ARMC9: variants seen among roughly 807,000 people sequenced by gnomAD.
The protein encoded by ARMC9 is lisH domain-containing protein ARMC9.
ARMC9 carries 94 observed loss-of-function variants against 107.0 expected under a neutral mutation model. That is an observed-to-expected ratio of 0.88 (90% CI 0.74 to 1.04). ARMC9 has a LOEUF of 1.04. Among genes scored for constraint, ARMC9 ranks in the 50% least tolerant of loss-of-function variants. The probability of loss-of-function intolerance (pLI) is 0.00; values close to 1 mark genes in which losing one functional copy is unlikely to be tolerated. For synonymous variants in ARMC9, 380 were observed against 396.9 expected (o/e 0.96, Z 0.51); for missense variants, 942 against 1,030.1 (o/e 0.91, Z 1.17).
At position 231,360,238 on chromosome 2, in the gene ARMC9, T is replaced by G. The variant is rs2045513305; in HGVS notation, c.2132-516T>G. ...GGGTGGGCATCAGCTACAGCACAAGTCACTGGGAGTTAGGGCACTTCCTGG... is the reference window on the plus strand; with the variant it reads ...GGGTGGGCATCAGCTACAGCACAAGGCACTGGGAGTTAGGGCACTTCCTGG... On this transcript the variant is annotated intron_variant, in intron 22 of 24. Coordinates refer to ENST00000611582, the MANE Select transcript of ARMC9 (RefSeq NM_001352754.2). This position sits in a 1 kb window ranked among gnomAD's most constrained non-coding sequence, Gnocchi z 4.7. Among the ~76,000 whole-genome samples, 1 of 152,104 alleles carries G rather than the reference T, an allele frequency of 6.6e-6. No homozygotes were observed. The highest frequency in any genetic ancestry group is 6.5e-5 in the Admixed American group (1 of 15,272).
At position 231,274,518 on chromosome 2, in the gene ARMC9, G is replaced by A. The variant is rs181969362; in HGVS notation, c.1334+1440G>A. Among the ~76,000 whole-genome samples, 75 of 152,284 alleles carry A rather than the reference G, an allele frequency of 4.9e-4. 2 individuals are homozygous for A. Among genetic ancestry groups the A allele is most frequent in the Admixed American group, 4.1e-3 (62 of 15,294 alleles). The stretch of plus-strand genomic sequence containing the variant: ...CATGAATGCTTCAGCACAAGTCTTC[G>A]TGTGGACATATGTTTCTTTTTCTCG... On this transcript the variant is annotated intron_variant, in intron 14 of 24. Coordinates refer to ENST00000611582, the MANE Select transcript of ARMC9 (RefSeq NM_001352754.2).
intron 19 of ARMC9, among the ~76,000 whole-genome samples, chr2:231,318,673 C>T (rs1229858859): frequency 6.6e-6 from 1 of 152,174 alleles, no homozygotes; most frequent in Non-Finnish European, 1.5e-5. Context: ...CTAGCACTTC[C>T]CCACTGAGCA....
At chr2:231,288,093 G>C (rs1433613732) in intron 17 of ARMC9, among the ~76,000 whole-genome samples, 22 of 152,168 alleles carry the variant, frequency 1.4e-4, no homozygotes, top group Non-Finnish European at 7.3e-5. Flanking sequence ...AAACTCATAG[G>C]ATTGAAAGCA....
chr2:231,199,730 C>T (rs957584052), intron 1 of ARMC9, among the ~76,000 whole-genome samples: 5 of 152,054 alleles, frequency 3.3e-5, no homozygotes, highest in Admixed American at 6.6e-5. Context: ...GAGTCTTTCC[C>T]TGTCGCTCAG....
At chr2:231,221,918 G>A (rs1009392249) in intron 5 of ARMC9, among the ~76,000 whole-genome samples, 1 of 151,862 alleles carries the variant, frequency 6.6e-6, no homozygotes, top group African/African-American at 2.4e-5. Context: ...TGATTGGGTG[G>A]GGGTGGGAGG....
At chr2:231,214,403 T>C (rs13423632) in intron 3 of ARMC9, among the ~76,000 whole-genome samples, 41,683 of 152,154 alleles carry the variant, frequency 0.27, 5,941 homozygotes, top group African/African-American at 0.33. Context: ...TGTGGAGCCA[T>C]GCTGTCAGCA....
intron 7 of ARMC9, among the ~76,000 whole-genome samples, chr2:231,229,205 C>T (rs564983427): frequency 6.6e-6 from 1 of 152,188 alleles, no homozygotes; most frequent in East Asian, 1.9e-4. Flanking sequence ...ATTTTGGGCC[C>T]AGGCATGACA....
At position 231,219,050 on chromosome 2, in the gene ARMC9, C is replaced by G. The variant is rs147479699; in HGVS notation, c.504+2257C>G. 3.1e-3 allele frequency among the ~76,000 whole-genome samples: 468 copies of G among 152,252 alleles called. 2 individuals carry two copies. The highest frequency in any genetic ancestry group is 0.011 in the African/African-American group (456 of 41,550). On this transcript the variant is annotated intron_variant, in intron 5 of 24. Coordinates refer to ENST00000611582, the MANE Select transcript of ARMC9 (RefSeq NM_001352754.2). ...TACACGTATGAGCCATCACGCCCAGCCATAAAGTCTAAATTTAATCTTTAT... is the reference window on the plus strand; with the variant it reads ...TACACGTATGAGCCATCACGCCCAGGCATAAAGTCTAAATTTAATCTTTAT...
chr2:231,226,574 T>G (rs891078911), intron 6 of ARMC9, among the ~76,000 whole-genome samples, 200 bp from the exon 7 acceptor site: 1 of 152,166 alleles, frequency 6.6e-6, no homozygotes, highest in Non-Finnish European at 1.5e-5. Context: ...AGGACTTGCC[T>G]TCTTCTGAAA....
intron 3 of ARMC9, among the ~76,000 whole-genome samples, chr2:231,214,152 A>C (rs1354201812): frequency 1.3e-5 from 2 of 152,232 alleles, no homozygotes; most frequent in Non-Finnish European, 2.9e-5. Context: ...GTGGACTCAC[A>C]CAGCTCTGTG....
rs184314019 is a variant in ARMC9 at position 231,235,296 on chromosome 2, A to G, written c.695A>G (p.Asn232Ser). 6.2e-7 allele frequency: 1 copy of G among 1,614,238 alleles called. No individual in the cohort carries two copies. Among genetic ancestry groups the G allele is most frequent in the Non-Finnish European group, 8.5e-7 (1 of 1,180,030 alleles). Residue 232 changes from asparagine to serine, a missense_variant, in exon 8 of 25, where the codon AAT becomes AGT. Physicochemically the swap from Asn to Ser is conservative, Grantham distance 46. Transcript: ENST00000611582. ...RRSVTYLKRYNKIQADYHNLI... is the reference protein window; with the variant it reads ...RRSVTYLKRYSKIQADYHNLI... The stretch of plus-strand genomic sequence containing the variant: ...TCAGTGACATACCTCAAACGGTACA[A>G]TAAGATCCAGGCCGACTACCACAAT...
At chr2:231,292,154 C>G (rs1165521457) in intron 18 of ARMC9, among the ~76,000 whole-genome samples, 2 of 140,654 alleles carry the variant, frequency 1.4e-5, no homozygotes, top group African/African-American at 5.4e-5. Flanking sequence ...GGCGACAGAG[C>G]GAAACTCCTT....
rs536340525 is a variant in ARMC9, at chr2:231,346,233, T to A, written c.1994+1143T>A. Among the ~76,000 whole-genome samples, 5 of 152,334 alleles carry A rather than the reference T, an allele frequency of 3.3e-5. No homozygotes were observed. In the South Asian group the frequency reaches 8.3e-4, roughly 25 times the overall value. ...ACAGAAAAGTTAAAGAATATTACAC[T>A]GAAGATGGCCAGGCGTGGTGGCTCA... On this transcript the variant is annotated intron_variant, in intron 21 of 24. Coordinates refer to ENST00000611582, the MANE Select transcript of ARMC9 (RefSeq NM_001352754.2).
intron 19 of ARMC9, among the ~76,000 whole-genome samples, chr2:231,306,931 T>G (rs1192767617): frequency 6.6e-6 from 1 of 152,184 alleles, no homozygotes; most frequent in African/African-American, 2.4e-5. Context: ...GAGCCACAGG[T>G]GGCCTTAGCA....
intron 19 of ARMC9, among the ~76,000 whole-genome samples, chr2:231,301,398 A>G (rs1192695929): frequency 1.3e-5 from 2 of 152,160 alleles, no homozygotes; most frequent in Non-Finnish European, 2.9e-5. Context: ...AGATTTTTCC[A>G]GATTGCTCTT....
intron 21 of ARMC9, among the ~76,000 whole-genome samples, chr2:231,347,798 C>A (rs753952716): frequency 6.6e-6 from 1 of 152,182 alleles, no homozygotes; most frequent in Non-Finnish European, 1.5e-5. Context: ...AGGTTCTTAG[C>A]ATATCTAAAT....
At chr2:231,310,827 TAGAA>T (rs149007682) in intron 19 of ARMC9, among the ~76,000 whole-genome samples, 70 of 150,050 alleles carry the variant, frequency 4.7e-4, no homozygotes, top group African/African-American at 1.5e-3. Flanking sequence ...TCACTTAAAA[TAGAA>T]AGACAGAAAA....
chr2:231,229,249 A>G (rs531241353), intron 7 of ARMC9, among the ~76,000 whole-genome samples: 3 of 152,308 alleles, frequency 2.0e-5, no homozygotes, highest in Admixed American at 1.3e-4. Flanking sequence ...CTCATCCTGC[A>G]GCTAAGGCTG....
At chr2:231,236,257 G>T (rs72983683) in intron 8 of ARMC9, among the ~76,000 whole-genome samples, 24,181 of 152,116 alleles carry the variant, frequency 0.16, 2,512 homozygotes, top group Non-Finnish European at 0.21. Context: ...TGGGTTTTTT[G>T]ATTTATTCTT....
Sources: allele counts gnomAD v4.1 joint callset (sites outside exome capture counted in the v4.1 genomes callset), GRCh38; gene constraint gnomAD v4.1.1; non-coding constraint Gnocchi (gnomAD v3.1); transcripts MANE v1.5; gene names NCBI Gene and HGNC (gene_info 2026-07-23, HGNC 2026-07-21).